ZNF7: variants seen among roughly 807,000 people sequenced by gnomAD.
The protein encoded by ZNF7 is zinc finger protein 7.
ZNF7 carries 10 observed loss-of-function variants against 12.0 expected under a neutral mutation model. The observed-to-expected ratio is 0.83, with a 90% CI of 0.51 to 1.42. The LOEUF (loss-of-function observed/expected upper bound fraction) is 1.42. Ranked by LOEUF, ZNF7 falls within the 40% of genes most tolerant of loss-of-function variation. The probability of loss-of-function intolerance (pLI) is 0.00; values close to 1 mark genes in which losing one functional copy is unlikely to be tolerated. For missense variants in ZNF7, 854 were observed against 837.2 expected (o/e 1.02, Z -0.25); for synonymous variants, 334 against 295.0 (o/e 1.13, Z -1.35).
At chr8:144,847,075 G>A (rs1390723589), downstream of ZNF7, 1 of 152,218 alleles carries the variant, frequency 6.6e-6, no homozygotes, top group Non-Finnish European at 1.5e-5. Context: ...AGAGCCAAGG[G>A]TGTGAGCACA....
rs979455373 is a variant in ZNF7, at chr8:144,838,298, G to A, written c.247+791G>A. On this transcript the variant is annotated intron_variant, in intron 4 of 4. Coordinates refer to ENST00000532777, the MANE Select transcript of ZNF7 (RefSeq NM_003416.4). Reference sequence around the variant, plus strand: ...TCATGGTGACTAATTAATCTGCAACGACTGTGTTTCCAAACAAGGTCACAT... The same window carrying A: ...TCATGGTGACTAATTAATCTGCAACAACTGTGTTTCCAAACAAGGTCACAT... 2.2e-5 allele frequency: 13 copies of A among 585,278 alleles called. 1 individual carries two copies. Among genetic ancestry groups the A allele is most frequent in the Admixed American group, 1.4e-4 (5 of 35,198 alleles). 36.3% of individuals were successfully genotyped at this position (585,278 alleles called of 1,614,324 possible).
In ZNF7 at chr8:144,841,952, A is replaced by C. The variant is rs770747798; in HGVS notation, c.845A>C (p.Glu282Ala). The C allele has an allele frequency of 5.0e-6, 8 of 1,614,230 alleles. No homozygotes were observed. In the South Asian group the frequency reaches 8.8e-5, roughly 18 times the overall value. Residue 282 changes from glutamate (E) to alanine (A), a missense_variant, in exon 5 of 5, where the codon GAG (glutamate) becomes GCG (alanine). Glu to Ala is a moderately radical substitution (Grantham distance 107). Coordinates refer to ENST00000532777, the MANE Select transcript of ZNF7 (RefSeq NM_003416.4). ...GGAGAGAAACCCTTTAAATGCACTG[A>C]GTGTGGAAAAGCCTTCCGCCTGAGC... ...HTGEKPFKCT[E>A]CGKAFRLSSK...
At chr8:144,832,012 C>A in intron 3 of ZNF7, among the ~76,000 whole-genome samples, 1 of 98,896 alleles carries the variant, frequency 1.0e-5, no homozygotes, top group Non-Finnish European at 2.5e-5. Context: ...GAGACCCTGT[C>A]TAAAAAAAAA....
intron 4 of ZNF7, chr8:144,841,090 A>C: frequency 2.2e-6 from 1 of 447,434 alleles, no homozygotes; most frequent in East Asian, 3.9e-5. Flanking sequence ...CAGTGCCTGT[A>C]GGATGGACCT....
Position 144,829,072 on chromosome 8 carries a change from C to T in ZNF7, c.-16C>T, listed in dbSNP as rs773466856. 6 of 1,613,982 alleles carry T rather than the reference C, an allele frequency of 3.7e-6. No homozygotes were observed. Among genetic ancestry groups the T allele is most frequent in the Non-Finnish European group, 5.1e-6 (6 of 1,179,994 alleles). On this transcript the variant is annotated 5_prime_UTR_variant, in exon 2 of 5. Transcript: ENST00000532777. ...CTCGGCCAGAACACGTGGATGCCCACCCACCACTGAGCCTCATGGTAGGAA... is the reference window on the plus strand; with the variant it reads ...CTCGGCCAGAACACGTGGATGCCCATCCACCACTGAGCCTCATGGTAGGAA...
chr8:144,830,728 C>CTTT (rs756859185), intron 3 of ZNF7, among the ~76,000 whole-genome samples: 8 of 139,034 alleles, frequency 5.8e-5, no homozygotes, highest in African/African-American at 2.1e-4. Context: ...AGTGAGGGTC[C>CTTT]TTTTTTTTTT....
At chr8:144,827,925 G>A (rs1827969602) in intron 1 of ZNF7, 1 of 153,774 alleles carries the variant, frequency 6.5e-6, no homozygotes, top group Non-Finnish European at 1.4e-5. Context: ...CTTCAGGCCT[G>A]GGTCTACTCC....
chr8:144,827,679 C>T (rs1827924339), intron 1 of ZNF7, 70 bp downstream of exon 1: 2 of 985,160 alleles, frequency 2.0e-6, no homozygotes, highest in South Asian at 4.7e-5. Flanking sequence ...CTTCCTTAGC[C>T]CTCCCGCCTT....
At chr8:144,827,695 T>C (rs1008974209) in intron 1 of ZNF7, 86 bp downstream of exon 1, 2 of 983,882 alleles carry the variant, frequency 2.0e-6, no homozygotes, top group Middle Eastern at 5.2e-4. Flanking sequence ...GCCTTCGGCA[T>C]TGGGGTCCCC....
downstream of ZNF7, chr8:144,846,086 C>T: frequency 1.3e-6 from 2 of 1,536,348 alleles, no homozygotes; most frequent in Non-Finnish European, 1.7e-6. Flanking sequence ...ACTGACCCTG[C>T]CTCCTCCTGG....
downstream of ZNF7, among the ~76,000 whole-genome samples, chr8:144,845,040 A>G (rs1830436609): frequency 2.0e-5 from 3 of 152,198 alleles, no homozygotes; most frequent in African/African-American, 4.8e-5. Context: ...GGGCAGGGTC[A>G]GGGAGGAGAA....
At position 144,829,574 on chromosome 8, in the gene ZNF7, C is replaced by T; in HGVS notation, c.100C>T (p.Leu34=). Residue 34 remains leucine, a synonymous_variant, in exon 3 of 5, where the codon CTG becomes TTG. Coordinates refer to ENST00000532777, the MANE Select transcript of ZNF7 (RefSeq NM_003416.4). ...GQRALYREVM[L]ENHSSVAGLA... ...GAGGGCCCTCTACAGGGAAGTGATG[C>T]TGGAGAACCACAGCAGTGTGGCTGG... is the stretch of plus-strand genomic sequence containing the variant. 1 of 1,613,422 alleles carries T rather than the reference C, an allele frequency of 6.2e-7. No individual in the cohort carries two copies.
At chr8:144,844,709 CAAAAAAAAAAAAAAAAA>C (rs71320849), downstream of ZNF7, among the ~76,000 whole-genome samples, 11 of 88,636 alleles carry the variant, frequency 1.2e-4, no homozygotes, top group African/African-American at 1.7e-4. Flanking sequence ...GACTCTGTAT[CAAAAAAAAAAAAAAAAA>C]AAAAAAAAAA....
Position 144,841,456 on chromosome 8 carries a change from C to A in ZNF7, c.349C>A (p.Pro117Thr). The A allele has an allele frequency of 1.2e-6, 2 of 1,614,232 alleles. No individual in the cohort carries two copies. Among genetic ancestry groups the A allele is most frequent in the Non-Finnish European group, 1.7e-6 (2 of 1,180,052 alleles). Residue 117 changes from proline to threonine, a missense_variant, in exon 5 of 5, where the codon CCT becomes ACT. Coordinates refer to ENST00000532777, the MANE Select transcript of ZNF7 (RefSeq NM_003416.4). ...GGTCAGAATCTCCCCACAGGACTTT[C>A]CTCAGAATCCTGGCTTTGGAGACGT... Reference protein sequence around the residue: ...TVVRISPQDFPQNPGFGDVSD... With the variant: ...TVVRISPQDFTQNPGFGDVSD...
chr8:144,842,025 C>T lies in ZNF7; in HGVS notation c.918C>T (p.Tyr306=), dbSNP rs927110422. ...GAATCCACACTGGGGAGAAGCCCTA[C>T]AGATGTGAGGAATGTGGAAAAGCTT... ...HQRIHTGEKP[Y]RCEECGKAFG... The change falls in exon 5 of 5, where the codon TAC becomes TAT. Residue 306 remains tyrosine (Y), a synonymous_variant. Coordinates refer to ENST00000532777, the MANE Select transcript of ZNF7 (RefSeq NM_003416.4). The T allele has an allele frequency of 1.4e-5, 22 of 1,613,788 alleles. No individual in the cohort carries two copies. Among genetic ancestry groups the T allele is most frequent in the African/African-American group, 2.7e-5 (2 of 74,816 alleles).
chr8:144,842,996 T>G lies in ZNF7; in HGVS notation c.1889T>G (p.Ile630Arg). ...GTGAGCCGTAAAAAGGTTAATACTA[T>G]AAAGAAACTGCATCAGTGTGAAGAC... ...TFVSRKKVNTIKKLHQCEDCE... is the reference protein window; with the variant it reads ...TFVSRKKVNTRKKLHQCEDCE... Residue 630 changes from isoleucine to arginine, a missense_variant, in exon 5 of 5, where the codon ATA becomes AGA. By Grantham distance (97) the Ile-to-Arg change is moderately conservative. Coordinates refer to ENST00000532777, the MANE Select transcript of ZNF7 (RefSeq NM_003416.4). 2 of 1,614,162 alleles carry G rather than the reference T, an allele frequency of 1.2e-6. No individual in the cohort carries two copies. Among genetic ancestry groups the G allele is most frequent in the African/African-American group, 2.7e-5 (2 of 75,028 alleles).
chr8:144,842,709 C>T lies in ZNF7; in HGVS notation c.1602C>T (p.Phe534=), dbSNP rs1355490720. The T allele has an allele frequency of 1.2e-6, 2 of 1,614,050 alleles. No homozygotes were observed. Among genetic ancestry groups the T allele is most frequent in the East Asian group, 2.2e-5 (1 of 44,854 alleles). The change falls in exon 5 of 5, where the codon TTC becomes TTT. Residue 534 remains phenylalanine (F), a synonymous_variant. Coordinates refer to ENST00000532777, the MANE Select transcript of ZNF7 (RefSeq NM_003416.4). Reference sequence around the variant, plus strand: ...AATGCCTCCAATGCGGAAAAGCCTTCAGTATGAGCACACAGCTTACAATAC... The same window carrying T: ...AATGCCTCCAATGCGGAAAAGCCTTTAGTATGAGCACACAGCTTACAATAC... ...PYECLQCGKA[F]SMSTQLTIHQ...
At chr8:144,839,171 G>C (rs1485107514) in intron 4 of ZNF7, among the ~76,000 whole-genome samples, 3 of 141,194 alleles carry the variant, frequency 2.1e-5, no homozygotes, top group Admixed American at 1.4e-4. Context: ...ATTCATATGC[G>C]CCTAGGGGCT....
Position 144,829,077 on chromosome 8 carries a change from C to G in ZNF7, c.-11C>G. The G allele has an allele frequency of 6.2e-7, 1 of 1,614,086 alleles. No individual in the cohort carries two copies. The highest frequency in any genetic ancestry group is 2.2e-5 in the East Asian group (1 of 44,884). ...CCAGAACACGTGGATGCCCACCCAC[C>G]ACTGAGCCTCATGGTAGGAAGCTTG... On this transcript the variant is annotated 5_prime_UTR_variant, in exon 2 of 5. Coordinates refer to ENST00000532777, the MANE Select transcript of ZNF7 (RefSeq NM_003416.4).
Sources: allele counts gnomAD v4.1 joint callset (sites outside exome capture counted in the v4.1 genomes callset), GRCh38; gene constraint gnomAD v4.1.1; transcripts MANE v1.5; gene names NCBI Gene and HGNC (gene_info 2026-07-23, HGNC 2026-07-21).